Variants in MAPRE2 observed in about 807,000 individuals in gnomAD.
The protein encoded by MAPRE2 is microtubule-associated protein RP/EB family member 2.
A neutral mutation model predicts 43.2 loss-of-function variants in MAPRE2; 13 were observed. That is an observed-to-expected ratio of 0.30 (90% CI 0.20 to 0.48). The LOEUF (loss-of-function observed/expected upper bound fraction) is 0.48, where lower values mean the gene tolerates loss of function less well. Among genes scored for constraint, MAPRE2 ranks in the 20% least tolerant of loss-of-function variants. The pLI is 0.99. For missense variants in MAPRE2, 161 were observed against 400.2 expected (o/e 0.40, Z 5.10); for synonymous variants, 135 against 148.8 (o/e 0.91, Z 0.68).
In MAPRE2 at chr18:35,132,140, G is replaced by C. The variant is rs2144249170; in HGVS notation, c.859G>C (p.Asp287His). 6.2e-7 allele frequency: 1 copy of C among 1,614,108 alleles called. No homozygotes were observed. Among genetic ancestry groups the C allele is most frequent in the East Asian group, 2.2e-5 (1 of 44,902 alleles). ...LLCQEHGQENDDLVQRLMDIL... is the reference protein window; with the variant it reads ...LLCQEHGQENHDLVQRLMDIL... ...CTGCCAAGAACACGGGCAGGAAAATGATGACCTCGTGCAGAGACTAATGGA... is the reference window on the plus strand; with the variant it reads ...CTGCCAAGAACACGGGCAGGAAAATCATGACCTCGTGCAGAGACTAATGGA... The change falls in exon 6 of 7, where the codon GAT (aspartate) becomes CAT (histidine). Residue 287 changes from aspartate (D) to histidine (H), a missense_variant. Transcript: ENST00000300249.
At chr18:35,006,272 T>C (rs2097031821) in intron 2 of MAPRE2, among the ~76,000 whole-genome samples, 1 of 152,180 alleles carries the variant, frequency 6.6e-6, no homozygotes, top group African/African-American at 2.4e-5. Context: ...ACATCCTATA[T>C]TTCATCAAAG....
chr18:35,031,905 G>A (rs549054427), intron 2 of MAPRE2, among the ~76,000 whole-genome samples: 34 of 152,176 alleles, frequency 2.2e-4, no homozygotes, highest in Non-Finnish European at 3.5e-4. Context: ...ATTACTTAAG[G>A]CCAGGAGGTA....
At chr18:34,999,790 C>T (rs1203238898) in intron 1 of MAPRE2, among the ~76,000 whole-genome samples, 3 of 152,138 alleles carry the variant, frequency 2.0e-5, no homozygotes, top group East Asian at 1.9e-4. Flanking sequence ...GCCAGATACG[C>T]TCATTTGGTT....
At chr18:35,051,752 C>T (rs668477) in intron 1 of MAPRE2, among the ~76,000 whole-genome samples, 95,868 of 151,966 alleles carry the variant, frequency 0.63, 30,227 homozygotes, top group South Asian at 0.7. Context: ...TTTTTTTAGC[C>T]TCTCTAAGCC....
At chr18:35,115,396 G>T (rs1455136683) in intron 4 of MAPRE2, among the ~76,000 whole-genome samples, 2 of 152,022 alleles carry the variant, frequency 1.3e-5, no homozygotes, top group African/African-American at 4.8e-5. Context: ...TAGTTTTTGG[G>T]GTACAGATGG....
chr18:35,080,960 G>A (rs1466270765), intron 2 of MAPRE2, among the ~76,000 whole-genome samples: 1 of 152,162 alleles, frequency 6.6e-6, no homozygotes, highest in East Asian at 1.9e-4. Flanking sequence ...GACATGAGAA[G>A]CATATAAATG....
chr18:35,072,195 TTC>T (rs754320979), intron 2 of MAPRE2, among the ~76,000 whole-genome samples: 6 of 152,230 alleles, frequency 3.9e-5, no homozygotes, highest in African/African-American at 7.2e-5. Flanking sequence ...CAAAAACAGT[TTC>T]TGTTATTAGC....
chr18:35,067,471 T>G (rs1361561970), intron 1 of MAPRE2, among the ~76,000 whole-genome samples: 1 of 152,248 alleles, frequency 6.6e-6, no homozygotes, highest in Non-Finnish European at 1.5e-5. Context: ...TGTATATTAA[T>G]TTCTCTTATG....
At chr18:35,038,759 G>C (rs1190286676), upstream of MAPRE2, among the ~76,000 whole-genome samples, 1 of 152,190 alleles carries the variant, frequency 6.6e-6, no homozygotes, top group Non-Finnish European at 1.5e-5. Context: ...TTTATGAGGA[G>C]AGGAATGAAA....
intron 2 of MAPRE2, among the ~76,000 whole-genome samples, chr18:35,008,075 C>T (rs1352982602): frequency 1.3e-5 from 2 of 152,082 alleles, no homozygotes; most frequent in Admixed American, 1.3e-4. Context: ...ATCCTATCTG[C>T]TATTAAGTGG....
intron 1 of MAPRE2, among the ~76,000 whole-genome samples, chr18:34,979,166 A>C (rs1357206646): frequency 6.6e-6 from 1 of 152,164 alleles, no homozygotes; most frequent in Non-Finnish European, 1.5e-5. Context: ...CACCTACCAC[A>C]ACATTTTTCC....
At chr18:35,137,530 TTCC>T (rs1233491410) in intron 6 of MAPRE2, among the ~76,000 whole-genome samples, 1 of 152,226 alleles carries the variant, frequency 6.6e-6, no homozygotes, top group African/African-American at 2.4e-5. Context: ...TGTAAAACAG[TTCC>T]TCATTTCTGA....
chr18:35,080,729 T>C (rs1174022985), intron 2 of MAPRE2, among the ~76,000 whole-genome samples: 1 of 152,186 alleles, frequency 6.6e-6, no homozygotes, highest in Non-Finnish European at 1.5e-5. Context: ...TGTCAAATGT[T>C]TGGGCATGTT....
intron 2 of MAPRE2, among the ~76,000 whole-genome samples, chr18:35,084,355 A>G (rs756618810): frequency 1.6e-4 from 24 of 152,234 alleles, no homozygotes; most frequent in Non-Finnish European, 2.9e-4. Flanking sequence ...TAAACAGAGG[A>G]TACTGGCACC....
intron 1 of MAPRE2, among the ~76,000 whole-genome samples, chr18:35,048,702 AT>A (rs1010759232): frequency 6.7e-6 from 1 of 149,158 alleles, no homozygotes; most frequent in Non-Finnish European, 1.5e-5. Flanking sequence ...TATATATACT[AT>A]TATATATAGT....
intron 1 of MAPRE2, among the ~76,000 whole-genome samples, chr18:35,045,444 T>A (rs1240795): frequency 0.16 from 24,486 of 150,972 alleles, 2,117 homozygotes; most frequent in East Asian, 0.32. Flanking sequence ...CTGAATACTT[T>A]AAAAAAAAAA....
chr18:35,011,910 G>A lies in MAPRE2; in HGVS notation c.-8+6357G>A, dbSNP rs373088941. Among the ~76,000 whole-genome samples, 5 of 152,016 alleles carry A rather than the reference G, an allele frequency of 3.3e-5. No homozygotes were observed. In the East Asian group the frequency reaches 5.8e-4, roughly 18 times the overall value. ...GTAAAGAAAGGGGGACAGGAATACA[G>A]CCGGAGGAGGTGCTATTTTATGTAG... On this transcript the variant is annotated intron_variant, in intron 2 of 7. Coordinates refer to the MAPRE2 transcript ENST00000413393.
chr18:34,998,562 C>T (rs888043376), intron 1 of MAPRE2, among the ~76,000 whole-genome samples: 8 of 151,692 alleles, frequency 5.3e-5, no homozygotes, highest in Non-Finnish European at 1.0e-4. Flanking sequence ...CTCCTGACCT[C>T]GTGATCTGCC....
chr18:35,071,500 C>A (rs1193644305), intron 2 of MAPRE2, among the ~76,000 whole-genome samples: 1 of 152,152 alleles, frequency 6.6e-6, no homozygotes, highest in Non-Finnish European at 1.5e-5. Context: ...TTCCAGTAAA[C>A]AAATAGATAA....
Sources: allele counts gnomAD v4.1 joint callset (sites outside exome capture counted in the v4.1 genomes callset), GRCh38; gene constraint gnomAD v4.1.1; transcripts MANE v1.5; gene names NCBI Gene and HGNC (gene_info 2026-07-23, HGNC 2026-07-21).